The following TMEM218 variants were observed in gnomAD, a reference collection of about 807,000 sequenced individuals.
TMEM218 encodes the protein transmembrane protein 218.
TMEM218 carries 8 observed loss-of-function variants against 10.0 expected under a neutral mutation model. That is an observed-to-expected ratio of 0.80 (90% confidence interval 0.47 to 1.44). The LOEUF is 1.44. TMEM218 is among the 40% of genes most tolerant of loss of function. TMEM218 has a pLI of 0.00. For missense variants in TMEM218, 110 were observed against 140.1 expected (o/e 0.79, Z 1.08); for synonymous variants, 66 against 63.5 (o/e 1.04, Z -0.18).
At chr11:125,107,797 G>GTATATATA (rs1389771222) in intron 1 of TMEM218, among the ~76,000 whole-genome samples, 4,152 of 147,308 alleles carry the variant, frequency 0.028, 109 homozygotes, top group African/African-American at 0.071. Context: ...GTGGATATGT[G>GTATATATA]TGTATATATA....
rs1949785957 is a variant in TMEM218 at position 125,097,384 on chromosome 11, C to T, written c.*222G>A. ...TAAGGTACGGGTACTAAGAAGATAG[C>T]AATATCCTTCTTAAGCTGGTAAGAA... On this transcript the variant is annotated 3_prime_UTR_variant, in exon 5 of 5. Transcript: ENST00000682305. The T allele has an allele frequency of 4.5e-6, 2 of 442,298 alleles. No individual in the cohort carries two copies. Among genetic ancestry groups the T allele is most frequent in the African/African-American group, 4.0e-5 (2 of 50,198 alleles). The allele number at this position is 442,298 out of a possible 1,614,324, so 27.4% of individuals were successfully genotyped here. A position where few individuals can be genotyped will look rare whatever the true frequency, so the allele number is the denominator to read the frequency against.
At position 125,102,258 on chromosome 11, in the gene TMEM218, G is replaced by A. The variant is rs773311251; in HGVS notation, c.-17C>T. On this transcript the variant is annotated 5_prime_UTR_variant, in exon 3 of 5. Transcript: ENST00000682305. ...GCCAGCCATCCCGCGGGGAGGCAGC[G>A]GCGGCCCCCCGCCCTGCGCGCCGCA... 1.3e-5 allele frequency: 21 copies of A among 1,610,704 alleles called. No individual in the cohort carries two copies. Among genetic ancestry groups the A allele is most frequent in the Middle Eastern group, 1.7e-4 (1 of 5,946 alleles).
At chr11:125,101,388 G>A in intron 3 of TMEM218, 85 bp from the exon 4 acceptor site, 3 of 1,512,046 alleles carry the variant, frequency 2.0e-6, no homozygotes, top group Non-Finnish European at 2.7e-6. Context: ...CTTCCTTGGA[G>A]CCAATATTCT....
rs775085330 is a variant in TMEM218 at position 125,097,708 on chromosome 11, G to C, written c.246C>G (p.Val82=). Residue 82 remains valine (V), a synonymous_variant, in exon 5 of 5, where the codon GTC becomes GTG. Transcript: ENST00000682305. ...AGATGGCACTAAGGAAAGCCAGCAG[G>C]ACATAGCGGCCAATGAAAAAGTCAT... is the stretch of plus-strand genomic sequence containing the variant. ...IVDDFFIGRY[V]LLAFLSAIFL... 2.5e-6 allele frequency: 4 copies of C among 1,613,998 alleles called. No individual in the cohort carries two copies. The East Asian group carries it at 8.9e-5, about 36-fold the overall frequency.
chr11:125,105,246 A>T (rs924558060), intron 1 of TMEM218, among the ~76,000 whole-genome samples: 6 of 152,238 alleles, frequency 3.9e-5, no homozygotes, highest in Admixed American at 6.5e-5. Flanking sequence ...TGATATGGGA[A>T]TCCCAAATAG....
chr11:125,105,442 A>C (rs1332588317), intron 1 of TMEM218, among the ~76,000 whole-genome samples: 1 of 152,226 alleles, frequency 6.6e-6, no homozygotes, highest in Non-Finnish European at 1.5e-5. Flanking sequence ...GGCTACTCAG[A>C]GACATACTTC....
rs367831471 is a variant in TMEM218, at chr11:125,095,163, C to A, written c.*2443G>T. Among the ~76,000 whole-genome samples, 22 of 152,180 alleles carry A rather than the reference C, an allele frequency of 1.4e-4. No individual in the cohort carries two copies. The highest frequency in any genetic ancestry group is 5.3e-4 in the African/African-American group (22 of 41,438). On this transcript the variant is annotated 3_prime_UTR_variant, in exon 5 of 5. Coordinates refer to ENST00000682305, the MANE Select transcript of TMEM218 (RefSeq NM_001258244.2). ...GTCAGGATACAATTTTAAGACGCCA[C>A]GAAATAACCTATTTTCTTATATAGA...
At chr11:125,101,949 C>G in intron 3 of TMEM218, 183 bp downstream of exon 3, 3 of 696,162 alleles carry the variant, frequency 4.3e-6, no homozygotes, top group Non-Finnish European at 2.2e-6. Context: ...TCCTTCTCCT[C>G]CCATCTCTGC....
At chr11:125,099,196 A>AGCAGC (rs1385858542) in intron 4 of TMEM218, among the ~76,000 whole-genome samples, 1 of 152,200 alleles carries the variant, frequency 6.6e-6, no homozygotes, top group African/African-American at 2.4e-5. Context: ...TGCTCCAGAG[A>AGCAGC]TTACCCCAAC....
At position 125,095,796 on chromosome 11, in the gene TMEM218, C is replaced by T. The variant is rs1949570249; in HGVS notation, c.*1810G>A. ...TCACCCAAAACCTCATAGTTATTATCCATTGATCTAATAGTTGAATAACTT... is the reference window on the plus strand; with the variant it reads ...TCACCCAAAACCTCATAGTTATTATTCATTGATCTAATAGTTGAATAACTT... On this transcript the variant is annotated 3_prime_UTR_variant, in exon 5 of 5. Coordinates refer to ENST00000682305, the MANE Select transcript of TMEM218 (RefSeq NM_001258244.2). Among the ~76,000 whole-genome samples, 4 of 152,168 alleles carry T rather than the reference C, an allele frequency of 2.6e-5. No individual in the cohort carries two copies. The South Asian group carries it at 8.3e-4, about 31-fold the overall frequency.
rs188938305 is a variant in TMEM218, at chr11:125,100,678, G to T, written c.213+523C>A. Among the ~76,000 whole-genome samples the T allele has an allele frequency of 1.5e-3, 226 of 152,280 alleles. 3 individuals carry two copies. Among genetic ancestry groups the T allele is most frequent in the Middle Eastern group, 3.4e-3 (1 of 294 alleles). On this transcript the variant is annotated intron_variant, in intron 4 of 4. Transcript: ENST00000682305. ...CCATTTAAAGACATGGGTGCTGGCA[G>T]GTATGGTCCCAGGTATGAGGACCAA...
At chr11:125,101,365 G>A in intron 3 of TMEM218, 62 bp from the exon 4 acceptor site, 1 of 1,539,582 alleles carries the variant, frequency 6.5e-7, no homozygotes, top group Non-Finnish European at 8.8e-7. Context: ...GATCAGTTAG[G>A]TCTGGACAGT....
intron 4 of TMEM218, among the ~76,000 whole-genome samples, chr11:125,100,899 A>G (rs1422497751): frequency 6.6e-6 from 1 of 152,004 alleles, no homozygotes; most frequent in Non-Finnish European, 1.5e-5. Flanking sequence ...TTCTGTCCCC[A>G]TGGTACGAGG....
intron 1 of TMEM218, among the ~76,000 whole-genome samples, chr11:125,109,922 C>T (rs977765994): frequency 1.3e-5 from 2 of 152,204 alleles, no homozygotes; most frequent in Non-Finnish European, 2.9e-5. Flanking sequence ...CCCTTAGTAG[C>T]TTAAGAGTTC....
chr11:125,110,972 G>GA (rs112522920), intron 1 of TMEM218, among the ~76,000 whole-genome samples: 5 of 151,978 alleles, frequency 3.3e-5, no homozygotes, highest in Admixed American at 6.6e-5. Flanking sequence ...CAAGCCTGGG[G>GA]AAAAAATCAG....
At chr11:125,107,697 G>C (rs1457000234) in intron 1 of TMEM218, among the ~76,000 whole-genome samples, 2 of 151,970 alleles carry the variant, frequency 1.3e-5, no homozygotes, top group Admixed American at 6.6e-5. Flanking sequence ...TCATGAGCTA[G>C]TTGTTGAAGC....
intron 1 of TMEM218, among the ~76,000 whole-genome samples, chr11:125,106,150 CTG>C (rs1952087669): frequency 6.6e-6 from 1 of 152,156 alleles, no homozygotes; most frequent in African/African-American, 2.4e-5. Flanking sequence ...TTTCACAACA[CTG>C]TGAATATACT....
At chr11:125,100,128 T>A (rs1475974760) in intron 4 of TMEM218, among the ~76,000 whole-genome samples, 2 of 152,184 alleles carry the variant, frequency 1.3e-5, no homozygotes, top group African/African-American at 4.8e-5. Context: ...CAGTGTCAAT[T>A]TTAGTTCAAA....
chr11:125,107,845 T>G (rs1052243611), intron 1 of TMEM218, among the ~76,000 whole-genome samples: 1 of 141,072 alleles, frequency 7.1e-6, no homozygotes, highest in African/African-American at 2.7e-5. Context: ...AAAAGATGAG[T>G]AAGATTTGTA....
Sources: gnomAD v4.1 joint callset for allele counts (sites outside exome capture counted in the v4.1 genomes callset) on GRCh38, gnomAD v4.1.1 for gene constraint, MANE v1.5 for transcripts, NCBI Gene and HGNC (gene_info 2026-07-23, HGNC 2026-07-21) for gene names.